The following POTEF variants were observed in gnomAD, a reference collection of about 807,000 sequenced individuals.
POTEF encodes POTE ankyrin domain family member F, also known as ANKRD26-like family C member 1B.
In POTEF, 20 loss-of-function variants were observed where a neutral mutation model predicts 83.2. The observed-to-expected ratio is 0.24, with a 90% CI of 0.17 to 0.35. The LOEUF is 0.35. Ranked by LOEUF, POTEF falls within the 10% of genes least tolerant of loss-of-function variation. The pLI, the probability that POTEF is intolerant of heterozygous loss-of-function variation, is 1.00. For synonymous variants in POTEF, 196 were observed against 446.4 expected (o/e 0.44, Z 7.07); for missense variants, 550 against 1,203.2 (o/e 0.46, Z 8.03).
chr2:130,111,921 T>A, intron 6 of POTEF, 74 bp downstream of exon 6: 3 of 1,333,100 alleles, frequency 2.3e-6, no homozygotes, highest in Non-Finnish European at 3.0e-6. Flanking sequence ...TACATTAATC[T>A]TATTAATTTA....
intron 7 of POTEF, among the ~76,000 whole-genome samples, chr2:130,109,949 A>G (rs994205958): frequency 1.3e-5 from 2 of 151,402 alleles, no homozygotes; most frequent in African/African-American, 2.5e-5. Flanking sequence ...CACTGTATGA[A>G]TCGCCATGAA....
rs749042443 is a variant in POTEF at position 130,120,441 on chromosome 2, G to C, written c.75C>G (p.Gly25=). The C allele has an allele frequency of 6.8e-6, 11 of 1,613,620 alleles. No individual in the cohort carries two copies. The highest frequency in any genetic ancestry group is 8.5e-6 in the Non-Finnish European group (10 of 1,179,882). ...KKPFGLRSKM[G]KWCCRCFPCC... ...AGGGGAAGCAACGGCAGCACCACTT[G>C]CCCATCTTGCTCCTGAGACCAAATG... is the stretch of plus-strand genomic sequence containing the variant. Residue 25 remains glycine, a synonymous_variant, in exon 3 of 17, where the codon GGC becomes GGG. Coordinates refer to ENST00000409914, the MANE Select transcript of POTEF (RefSeq NM_001099771.2).
At chr2:130,083,401 G>C (rs1345790477) in intron 15 of POTEF, among the ~76,000 whole-genome samples, 4 of 151,752 alleles carry the variant, frequency 2.6e-5, no homozygotes, top group African/African-American at 7.3e-5. Context: ...TGTCCAAAAG[G>C]AGAAAGATGA....
At chr2:130,117,083 G>A (rs1014310717) in intron 3 of POTEF, among the ~76,000 whole-genome samples, 21 of 151,346 alleles carry the variant, frequency 1.4e-4, no homozygotes, top group Non-Finnish European at 2.8e-4. Flanking sequence ...AACTCCTGTC[G>A]AGTAATGCAA....
chr2:130,128,335 A>G (rs1685148324), intron 1 of POTEF, among the ~76,000 whole-genome samples: 1 of 151,952 alleles, frequency 6.6e-6, no homozygotes, highest in Non-Finnish European at 1.5e-5. Flanking sequence ...AGATTGCACC[A>G]GGAGGAACTC....
chr2:130,075,778 T>C (rs965390711), intron 16 of POTEF, among the ~76,000 whole-genome samples: 1 of 145,440 alleles, frequency 6.9e-6, no homozygotes, highest in African/African-American at 2.6e-5. Flanking sequence ...TAAATAAATA[T>C]TTAAACTTTT....
At chr2:130,105,108 A>T (rs1185509080) in intron 8 of POTEF, among the ~76,000 whole-genome samples, 1 of 144,424 alleles carries the variant, frequency 6.9e-6, no homozygotes, top group Non-Finnish European at 1.5e-5. Flanking sequence ...CTGTCCCCCA[A>T]GCCTTTCTCA....
At chr2:130,104,461 T>G (rs558662583) in intron 8 of POTEF, among the ~76,000 whole-genome samples, 2,520 of 148,842 alleles carry the variant, frequency 0.017, 120 homozygotes, top group African/African-American at 0.061. Context: ...TTCATTTTGT[T>G]ATTTATATAT....
chr2:130,104,336 T>A (rs975671221), intron 8 of POTEF, among the ~76,000 whole-genome samples: 1 of 145,104 alleles, frequency 6.9e-6, no homozygotes, highest in African/African-American at 2.7e-5. Flanking sequence ...GTCAGCAATC[T>A]TTAGATTTCT....
chr2:130,119,428 G>A (rs954270624), intron 3 of POTEF, among the ~76,000 whole-genome samples: 10 of 151,770 alleles, frequency 6.6e-5, no homozygotes, highest in Non-Finnish European at 1.3e-4. Flanking sequence ...CCAAAGTGCT[G>A]GGATTACAGG....
chr2:130,117,477 A>T (rs1488216514), intron 3 of POTEF, among the ~76,000 whole-genome samples: 1 of 152,014 alleles, frequency 6.6e-6, no homozygotes, highest in Admixed American at 6.6e-5. Flanking sequence ...AACTTCACTT[A>T]CAAATCCCCA....
At chr2:130,125,795 A>ATAAT (rs1377663550) in intron 2 of POTEF, among the ~76,000 whole-genome samples, 11 of 150,922 alleles carry the variant, frequency 7.3e-5, no homozygotes, top group Non-Finnish European at 1.6e-4. Flanking sequence ...AATCCCAGCT[A>ATAAT]CTCAGGGGGC....
At chr2:130,116,957 T>TCGATC (rs1463310348) in intron 3 of POTEF, among the ~76,000 whole-genome samples, 2 of 119,082 alleles carry the variant, frequency 1.7e-5, no homozygotes, top group Non-Finnish European at 3.4e-5. Context: ...GGTGGAAGGA[T>TCGATC]CCTGAGAGAT....
intron 9 of POTEF, 87 bp from the exon 10 acceptor site, chr2:130,100,807 A>G: frequency 6.6e-7 from 1 of 1,524,874 alleles, no homozygotes; most frequent in Non-Finnish European, 8.8e-7. Flanking sequence ...AAAAAATTTT[A>G]TTCTTAACTA....
rs1683946117 is a variant in POTEF, at chr2:130,083,423, CAA to C, written c.1778+2389_1778+2390del. 2.0e-5 allele frequency among the ~76,000 whole-genome samples: 3 copies of C among 149,780 alleles called. No homozygotes were observed. The South Asian group carries it at 6.4e-4, about 32-fold the overall frequency. On this transcript the variant is annotated intron_variant, in intron 15 of 16. Transcript: ENST00000409914. ...AAGGAGAAAGATGAGGAGCAGCAAG[CAA>C]AACAGACCATGATAAACGGACTAGA...
At chr2:130,116,378 A>G (rs999794491) in intron 3 of POTEF, among the ~76,000 whole-genome samples, 11 of 148,572 alleles carry the variant, frequency 7.4e-5, no homozygotes, top group African/African-American at 2.0e-4. Flanking sequence ...TACACGTGCC[A>G]GATGTGCAGG....
intron 3 of POTEF, among the ~76,000 whole-genome samples, 189 bp downstream of exon 3, chr2:130,119,805 CA>C (rs1684949641): frequency 7.4e-6 from 1 of 135,302 alleles, no homozygotes; most frequent in South Asian, 2.5e-4. Context: ...GATTGGAAAT[CA>C]GCTAAAGTTT....
chr2:130,118,689 C>T (rs2104825762), intron 3 of POTEF, among the ~76,000 whole-genome samples: 1 of 150,284 alleles, frequency 6.7e-6, no homozygotes, highest in Admixed American at 6.6e-5. Flanking sequence ...GAGTCAGACT[C>T]CATCCAAAAA....
chr2:130,119,821 T>C lies in POTEF; in HGVS notation c.521+174A>G, dbSNP rs1392518694. 6.7e-5 allele frequency among the ~76,000 whole-genome samples: 9 copies of C among 135,144 alleles called. No homozygotes were observed. The Admixed American group carries it at 7.2e-4, about 11-fold the overall frequency. 88.7% of individuals were successfully genotyped at this position (135,144 alleles called of 152,430 possible). A position where few individuals can be genotyped will look rare whatever the true frequency, so the allele number is the denominator to read the frequency against. On this transcript the variant is annotated intron_variant, in intron 3 of 16. Coordinates refer to ENST00000409914, the MANE Select transcript of POTEF (RefSeq NM_001099771.2). ...ATTGGAAATCAGCTAAAGTTTTGTT[T>C]TTGTGTTGCTGTTCATAAAGGGCCC...
Sources: gnomAD v4.1 joint callset for allele counts (sites outside exome capture counted in the v4.1 genomes callset) on GRCh38, gnomAD v4.1.1 for gene constraint, MANE v1.5 for transcripts, NCBI Gene and HGNC (gene_info 2026-07-23, HGNC 2026-07-21) for gene names.